The following ZBTB1 variants were observed in gnomAD, a reference collection of about 807,000 sequenced individuals.
The protein encoded by ZBTB1 is zinc finger and BTB domain-containing protein 1.
Under a neutral mutation model 51.6 loss-of-function variants are expected in ZBTB1, and 13 were observed. The ratio of observed to expected loss-of-function variants is 0.25; its 90% CI spans 0.16 to 0.40. ZBTB1 has a LOEUF of 0.40. ZBTB1 is among the 10% of genes least tolerant of loss of function. ZBTB1 has a pLI of 1.00. For synonymous variants in ZBTB1, 240 were observed against 282.2 expected (o/e 0.85, Z 1.50); for missense variants, 567 against 856.5 (o/e 0.66, Z 4.22).
At chr14:64,525,186 C>T (rs1043440410), downstream of ZBTB1, among the ~76,000 whole-genome samples, 3 of 152,096 alleles carry the variant, frequency 2.0e-5, no homozygotes, top group Non-Finnish European at 2.9e-5. Context: ...TAGTTGAAAG[C>T]ATTAGAGCAC....
chr14:64,510,921 G>T (rs981467479), intron 1 of ZBTB1, among the ~76,000 whole-genome samples: 1 of 152,304 alleles, frequency 6.6e-6, no homozygotes, highest in South Asian at 2.1e-4. Flanking sequence ...CAGAGGCCTT[G>T]CAAGAGCAGG....
Position 64,524,355 on chromosome 14 carries a change from A to G in ZBTB1, c.*709A>G. 2 of 903,914 alleles carry G rather than the reference A, an allele frequency of 2.2e-6. No individual in the cohort carries two copies. The highest frequency in any genetic ancestry group is 5.7e-4 in the Middle Eastern group (1 of 1,762). 56.0% of individuals were successfully genotyped at this position (903,914 alleles called of 1,614,324 possible). On this transcript the variant is annotated 3_prime_UTR_variant, in exon 2 of 2. Coordinates refer to ENST00000683701, the MANE Select transcript of ZBTB1 (RefSeq NM_001123329.2). Reference sequence around the variant, plus strand: ...CCAGTGGCTTTACCTCACTTGAAAAATTAGTGGGGATAAGCCATTTTGTTT... The same window carrying G: ...CCAGTGGCTTTACCTCACTTGAAAAGTTAGTGGGGATAAGCCATTTTGTTT...
chr14:64,516,627 G>A (rs1045066384), intron 1 of ZBTB1: 4 of 152,298 alleles, frequency 2.6e-5, no homozygotes, highest in East Asian at 1.9e-4. Flanking sequence ...TAGAGTGGGC[G>A]CTTTGCAGAA....
At position 64,524,038 on chromosome 14, in the gene ZBTB1, T is replaced by A. The variant is rs1389613741; in HGVS notation, c.*392T>A. On this transcript the variant is annotated 3_prime_UTR_variant, in exon 2 of 2. Coordinates refer to ENST00000683701, the MANE Select transcript of ZBTB1 (RefSeq NM_001123329.2). ...TTTTAAACCCAGAATCATTGGCCAT[T>A]TCTGTTTAAATTTTAAAAATTCCTT... 1.0e-6 allele frequency: 1 copy of A among 1,002,512 alleles called. No individual in the cohort carries two copies. Among genetic ancestry groups the A allele is most frequent in the African/African-American group, 1.7e-5 (1 of 57,430 alleles). The allele number at this position is 1,002,512 out of a possible 1,614,324, so 62.1% of individuals were successfully genotyped here.
At chr14:64,524,977 A>G, downstream of ZBTB1, 1 of 963,616 alleles carries the variant, frequency 1.0e-6, no homozygotes, top group African/African-American at 1.8e-5. Context: ...ATTACTTGCA[A>G]TGTAGTACCC....
At position 64,524,657 on chromosome 14, in the gene ZBTB1, C is replaced by A. The variant is rs2079889824; in HGVS notation, c.*1011C>A. 1.0e-6 allele frequency: 1 copy of A among 984,542 alleles called. No homozygotes were observed. The highest frequency in any genetic ancestry group is 1.2e-6 in the Non-Finnish European group (1 of 829,270). The allele number at this position is 984,542 out of a possible 1,614,324, so 61.0% of individuals were successfully genotyped here. ...GAGATCAATTATAAACCTGGTTGTT[C>A]TATAAAAGTAGAGTGCACAAAAAAA... On this transcript the variant is annotated 3_prime_UTR_variant, in exon 2 of 2. Transcript: ENST00000683701.
intron 1 of ZBTB1, among the ~76,000 whole-genome samples, chr14:64,515,906 C>A (rs1436145981): frequency 6.6e-6 from 1 of 152,188 alleles, no homozygotes; most frequent in African/African-American, 2.4e-5. Flanking sequence ...GCCGCATACT[C>A]CTCTACCTGT....
intron 1 of ZBTB1, chr14:64,518,615 G>A (rs544086722): frequency 6.6e-6 from 1 of 152,170 alleles, no homozygotes; most frequent in Non-Finnish European, 1.5e-5. Flanking sequence ...CTTGAAGAGT[G>A]AACATTTTAT....
At position 64,504,788 on chromosome 14, in the gene ZBTB1, G is replaced by A. The variant is rs1367056962; in HGVS notation, c.-177G>A. ...GTCCTTTGTTGCAGCACAGTCCCTG[G>A]CAGAGCCAGAGCCTCTCCGCGCAGC... On this transcript the variant is annotated 5_prime_UTR_variant, in exon 1 of 2. Transcript: ENST00000683701. 4 of 383,030 alleles carry A rather than the reference G, an allele frequency of 1.0e-5. No individual in the cohort carries two copies. The highest frequency in any genetic ancestry group is 1.4e-5 in the Non-Finnish European group (3 of 216,028). 23.7% of individuals were successfully genotyped at this position (383,030 alleles called of 1,614,324 possible).
Position 64,521,809 on chromosome 14 carries a change from A to C in ZBTB1, c.305A>C (p.Asn102Thr), listed in dbSNP as rs1337447422. The C allele has an allele frequency of 6.2e-7, 1 of 1,611,408 alleles. No homozygotes were observed. The highest frequency in any genetic ancestry group is 2.2e-5 in the East Asian group (1 of 44,900). The change falls in exon 2 of 2, where the codon AAC (asparagine) becomes ACC (threonine). Residue 102 changes from asparagine (N) to threonine (T), a missense_variant. Physicochemically the swap from Asn to Thr is moderately conservative, Grantham distance 65 (BLOSUM62 0). Transcript: ENST00000683701. ...TTTGAGCAGTTTAAAGTGGCAATGA[A>C]CTACCTACAGCTATACAATGTTCCT... The part of the protein sequence containing the change: ...SSFEQFKVAM[N>T]YLQLYNVPDC...
intron 1 of ZBTB1, among the ~76,000 whole-genome samples, chr14:64,515,621 C>T (rs972252511): frequency 6.6e-6 from 1 of 151,570 alleles, no homozygotes; most frequent in Non-Finnish European, 1.5e-5. Context: ...CCCGAGTTCC[C>T]GCCATTCTCC....
chr14:64,518,903 GGT>G (rs1491429328), intron 1 of ZBTB1, among the ~76,000 whole-genome samples: 1 of 41,058 alleles, frequency 2.4e-5, no homozygotes, highest in Non-Finnish European at 4.7e-5. Flanking sequence ...GTTGCAGAGA[GGT>G]ATATATATAT....
In ZBTB1 at chr14:64,523,226, C is replaced by T; in HGVS notation, c.1722C>T (p.His574=). 6.2e-7 allele frequency: 1 copy of T among 1,614,160 alleles called. No homozygotes were observed. The highest frequency in any genetic ancestry group is 8.5e-7 in the Non-Finnish European group (1 of 1,180,006). Residue 574 remains histidine (H), a synonymous_variant, in exon 2 of 2, where the codon CAC becomes CAT. Coordinates refer to ENST00000683701, the MANE Select transcript of ZBTB1 (RefSeq NM_001123329.2). The surrounding 1 kb of genome is among the most constrained non-coding windows in gnomAD (Gnocchi z 4.5). The part of the protein sequence containing the change: ...SAIMEENERD[H]RRKHFCNLCG... ...TCATGGAAGAAAATGAAAGAGATCA[C>T]AGACGAAAGCATTTTTGTAATCTGT...
At chr14:64,519,148 A>G (rs191156500) in intron 1 of ZBTB1, among the ~76,000 whole-genome samples, 1 of 133,926 alleles carries the variant, frequency 7.5e-6, no homozygotes, top group Admixed American at 7.3e-5. Context: ...ATTTTTTGCT[A>G]CTTTTTTTTT....
rs2079881041 is a variant in ZBTB1 at position 64,523,673 on chromosome 14, G to C, written c.*27G>C. ...TGATTTTCTACTGTACTAATGTTTA[G>C]ATGATAGCAGATAAAACACCAAAGC... On this transcript the variant is annotated 3_prime_UTR_variant, in exon 2 of 2. Coordinates refer to ENST00000683701, the MANE Select transcript of ZBTB1 (RefSeq NM_001123329.2). The surrounding 1 kb of genome is among the most constrained non-coding windows in gnomAD (Gnocchi z 4.5). The C allele has an allele frequency of 1.3e-6, 2 of 1,505,434 alleles. No homozygotes were observed. The highest frequency in any genetic ancestry group is 2.8e-5 in the African/African-American group (2 of 71,426). The allele number at this position is 1,505,434 out of a possible 1,614,324, so 93.3% of individuals were successfully genotyped here.
Position 64,524,124 on chromosome 14 carries a change from T to C in ZBTB1, c.*478T>C, listed in dbSNP as rs566546131. 133 of 984,916 alleles carry C rather than the reference T, an allele frequency of 1.4e-4. 1 individual carries two copies. The South Asian group carries it at 3.9e-3, about 29-fold the overall frequency. 61.0% of individuals were successfully genotyped at this position (984,916 alleles called of 1,614,324 possible). A position where few individuals can be genotyped will look rare whatever the true frequency, so the allele number is the denominator to read the frequency against. Reference sequence around the variant, plus strand: ...TGAGTTAACTACTCTTTATTCCCCCTTATTAATGAAATTCATATTCTTAAA... The same window carrying C: ...TGAGTTAACTACTCTTTATTCCCCCCTATTAATGAAATTCATATTCTTAAA... On this transcript the variant is annotated 3_prime_UTR_variant, in exon 2 of 2. Transcript: ENST00000683701.
intron 1 of ZBTB1, chr14:64,518,359 GA>G (rs2079818611): frequency 6.6e-6 from 1 of 152,120 alleles, no homozygotes; most frequent in Non-Finnish European, 1.5e-5. Flanking sequence ...GTACTTACTT[GA>G]AACTTGATCT....
chr14:64,504,869 G>A lies in ZBTB1; in HGVS notation c.-96G>A. ...CGCCACTGCAGCTCGCGGCCCCTTC[G>A]CCTTCGCCCGCCTTTCCCGCGGCTG... On this transcript the variant is annotated 5_prime_UTR_variant, in exon 1 of 2. Coordinates refer to ENST00000683701, the MANE Select transcript of ZBTB1 (RefSeq NM_001123329.2). The A allele has an allele frequency of 2.5e-6, 1 of 396,446 alleles. No individual in the cohort carries two copies. Among genetic ancestry groups the A allele is most frequent in the Non-Finnish European group, 4.5e-6 (1 of 224,670 alleles). 24.6% of individuals were successfully genotyped at this position (396,446 alleles called of 1,614,324 possible).
intron 1 of ZBTB1, among the ~76,000 whole-genome samples, chr14:64,517,769 A>G (rs2079803140): frequency 1.5e-5 from 1 of 65,930 alleles, no homozygotes; most frequent in African/African-American, 6.8e-5. Context: ...ATATATATAT[A>G]TATATATATA....
Sources: allele counts gnomAD v4.1 joint callset (sites outside exome capture counted in the v4.1 genomes callset), GRCh38; gene constraint gnomAD v4.1.1; non-coding constraint Gnocchi (gnomAD v3.1); transcripts MANE v1.5; gene names NCBI Gene and HGNC (gene_info 2026-07-23, HGNC 2026-07-21).